The following RNF123 variants were observed in gnomAD, a reference collection of about 807,000 sequenced individuals.
RNF123 encodes E3 ubiquitin-protein ligase RNF123.
Under a neutral mutation model 168.5 loss-of-function variants are expected in RNF123, and 86 were observed. That is an observed-to-expected ratio of 0.51 (90% CI 0.43 to 0.61). The LOEUF (loss-of-function observed/expected upper bound fraction) is 0.61. RNF123 is among the 20% of genes least tolerant of loss of function. The pLI, the probability that RNF123 is intolerant of heterozygous loss-of-function variation, is 0.00. For missense variants in RNF123, 1,419 were observed against 1,729.7 expected (o/e 0.82, Z 3.19); for synonymous variants, 666 against 689.1 (o/e 0.97, Z 0.52).
intron 35 of RNF123, chr3:49,717,793 A>G: frequency 1.3e-6 from 1 of 783,808 alleles, no homozygotes; most frequent in Non-Finnish European, 2.0e-6. Context: ...TGTCTCTACC[A>G]GTGAGCGAGA....
chr3:49,720,520 A>C lies in RNF123; in HGVS notation c.3510A>C (p.Gln1170His), dbSNP rs775412033. ...ACCCTCCCCTACCTAGGAGAGAGCA[A>C]GCCACATCAGTGCTCCTGGCAGATC... Reference protein sequence around the residue: ...LVRGPASEREQATSVLLADPC... With the variant: ...LVRGPASEREHATSVLLADPC... Residue 1170 changes from glutamine (Q) to histidine (H), a missense_variant, in exon 36 of 39, where the codon CAA becomes CAC. This residue lies in a region of RNF123 where 164 missense variants were observed against 152.3 expected (regional missense o/e 1.08). Coordinates refer to ENST00000327697, the MANE Select transcript of RNF123 (RefSeq NM_022064.5). 1.9e-6 allele frequency: 3 copies of C among 1,593,056 alleles called. No homozygotes were observed. The East Asian group carries it at 6.7e-5, about 36-fold the overall frequency.
chr3:49,702,252 G>A (rs2054417574), intron 18 of RNF123, 82 bp from the exon 19 acceptor site: 3 of 1,585,470 alleles, frequency 1.9e-6, no homozygotes, highest in Admixed American at 3.3e-5. Context: ...GGCAGGGGCT[G>A]GGGGAAGGTG....
chr3:49,702,436 A>G, intron 19 of RNF123, 31 bp downstream of exon 19: 1 of 1,612,112 alleles, frequency 6.2e-7, no homozygotes, highest in South Asian at 1.1e-5. Flanking sequence ...CCCACTGTGG[A>G]TCCCCGGCTG....
At chr3:49,720,931 G>T in intron 37 of RNF123, 37 bp downstream of exon 37, 1 of 1,612,008 alleles carries the variant, frequency 6.2e-7, no homozygotes, top group Non-Finnish European at 8.5e-7. Flanking sequence ...CATGCCACTT[G>T]AATATGTGTG....
chr3:49,713,897 CT>C lies in RNF123; in HGVS notation c.2838-11del. ...CCAGCCTCACCCCGTCTCTCCCCTC[CT>C]TGCCCTCACAGGCGTATCGCCATGG... is the stretch of plus-strand genomic sequence containing the variant. On this transcript the variant is annotated splice_polypyrimidine_tract_variant and intron_variant, in intron 29 of 38. Transcript: ENST00000327697. The C allele has an allele frequency of 6.2e-7, 1 of 1,613,568 alleles. No homozygotes were observed. Among genetic ancestry groups the C allele is most frequent in the Non-Finnish European group, 8.5e-7 (1 of 1,179,728 alleles).
At position 49,716,782 on chromosome 3, in the gene RNF123, G is replaced by A. The variant is rs369735582; in HGVS notation, c.3500+305G>A. 5 of 353,738 alleles carry A rather than the reference G, an allele frequency of 1.4e-5. No homozygotes were observed. The East Asian group carries it at 2.1e-4, about 15-fold the overall frequency. The allele number at this position is 353,738 out of a possible 1,614,324, so 21.9% of individuals were successfully genotyped here. ...TCCGGAGGGTGTGCCGTCCTGTGGT[G>A]GACAGGGCCAGGCCGCCAGGAGAGC... On this transcript the variant is annotated intron_variant, in intron 35 of 38. Transcript: ENST00000327697.
intron 21 of RNF123, 67 bp from the exon 22 acceptor site, chr3:49,704,583 C>T: frequency 7.3e-7 from 1 of 1,372,758 alleles, no homozygotes; most frequent in Non-Finnish European, 1.0e-6. Flanking sequence ...TCTCACCGTC[C>T]TGGGCACTTC....
intron 35 of RNF123, chr3:49,719,123 C>T: frequency 5.0e-6 from 8 of 1,613,536 alleles, no homozygotes; most frequent in Admixed American, 1.7e-5. Context: ...GATGATAGAT[C>T]GAGCAGCCTC....
At chr3:49,717,803 A>G in intron 35 of RNF123, 1 of 838,318 alleles carries the variant, frequency 1.2e-6, no homozygotes, top group East Asian at 2.6e-5. Context: ...AGTGAGCGAG[A>G]AGGCCCATTG....
At chr3:49,717,586 C>T in intron 35 of RNF123, 1 of 302,352 alleles carries the variant, frequency 3.3e-6, no homozygotes, top group Non-Finnish European at 6.2e-6. Context: ...GGTTCTTCCA[C>T]AGGCTGTAGA....
chr3:49,700,816 G>A, intron 15 of RNF123, 107 bp downstream of exon 15: 2 of 1,204,426 alleles, frequency 1.7e-6, no homozygotes, highest in Non-Finnish European at 2.4e-6. Context: ...GGGAGCATCA[G>A]GAGGACCAGA....
chr3:49,719,247 G>T (rs764118951), intron 35 of RNF123: 1 of 1,613,238 alleles, frequency 6.2e-7, no homozygotes, highest in Non-Finnish European at 8.5e-7. Context: ...GCAGGCGCTG[G>T]AGCGCGTTGT....
intron 27 of RNF123, chr3:49,713,066 T>C: frequency 1.6e-6 from 1 of 622,620 alleles, no homozygotes; most frequent in Non-Finnish European, 2.9e-6. Context: ...TGGACCCTGC[T>C]AGGGTCCACA....
At chr3:49,694,619 C>T (rs1238034149) in intron 3 of RNF123, among the ~76,000 whole-genome samples, 7 of 152,236 alleles carry the variant, frequency 4.6e-5, no homozygotes, top group Non-Finnish European at 8.8e-5. Context: ...CAGTGAGGCA[C>T]GGTTGTCCCT....
At position 49,699,367 on chromosome 3, in the gene RNF123, C is replaced by G. The variant is rs2054329767; in HGVS notation, c.765-101C>G. The G allele has an allele frequency of 9.0e-7, 1 of 1,105,796 alleles. No individual in the cohort carries two copies. The highest frequency in any genetic ancestry group is 2.6e-5 in the East Asian group (1 of 38,608). The allele number at this position is 1,105,796 out of a possible 1,614,324, so 68.5% of individuals were successfully genotyped here. On this transcript the variant is annotated intron_variant, in intron 10 of 38. Transcript: ENST00000327697. The surrounding 1 kb of genome is among the most constrained non-coding windows in gnomAD (Gnocchi z 4.8). ...GTGGGCAAGTTGTGATGCAAACCAG[C>G]CCTGCCCTAGAGCCCAGGCCCCGGG...
chr3:49,717,979 A>G (rs751008658), intron 35 of RNF123: 2 of 1,613,370 alleles, frequency 1.2e-6, no homozygotes, highest in Non-Finnish European at 1.7e-6. Flanking sequence ...CTCGGAGCCT[A>G]TGGAGCTGGC....
At chr3:49,697,575 C>T (rs2054293791) in intron 5 of RNF123, 118 bp downstream of exon 5, 1 of 783,524 alleles carries the variant, frequency 1.3e-6, no homozygotes, top group South Asian at 1.8e-5. Flanking sequence ...CAAAACTTGT[C>T]CTGACGTGGC....
intron 31 of RNF123, 53 bp downstream of exon 31, chr3:49,714,227 T>A: frequency 6.6e-7 from 1 of 1,512,832 alleles, no homozygotes; most frequent in Non-Finnish European, 9.2e-7. Context: ...GGCGCTTACC[T>A]CCTACCCATG....
In RNF123 at chr3:49,716,183, G is replaced by A. The variant is rs1331375479; in HGVS notation, c.3415+6G>A. 5.0e-6 allele frequency: 8 copies of A among 1,613,204 alleles called. No homozygotes were observed. The East Asian group carries it at 6.7e-5, about 13-fold the overall frequency. On this transcript the variant is annotated splice_donor_region_variant and intron_variant, in intron 34 of 38. Transcript: ENST00000327697. Reference sequence around the variant, plus strand: ...GGTCACCCTACGGCTGCCTGGTGAGGACCTAGATGCCCTGCACCCCAACAC... The same window carrying A: ...GGTCACCCTACGGCTGCCTGGTGAGAACCTAGATGCCCTGCACCCCAACAC...
Sources: gnomAD v4.1 joint callset for allele counts (sites outside exome capture counted in the v4.1 genomes callset) on GRCh38, gnomAD v4.1.1 for gene constraint, gnomAD v4.1.1 regional missense constraint, Gnocchi (gnomAD v3.1) non-coding constraint, MANE v1.5 for transcripts, NCBI Gene and HGNC (gene_info 2026-07-23, HGNC 2026-07-21) for gene names.